The following NR2F2 variants were observed in gnomAD, a reference collection of about 807,000 sequenced individuals.
The protein encoded by NR2F2 is COUP transcription factor 2.
In NR2F2, 2 loss-of-function variants were observed where a neutral mutation model predicts 34.8. The observed-to-expected ratio is 0.06, with a 90% CI of 0.02 to 0.18. NR2F2 has a LOEUF of 0.18. NR2F2 is among the 10% of genes least tolerant of loss of function. NR2F2 has a pLI of 1.00. For synonymous variants in NR2F2, 274 were observed against 251.8 expected (o/e 1.09, Z -0.84); for missense variants, 300 against 580.1 (o/e 0.52, Z 4.96).
chr15:96,331,437 CA>C lies in NR2F2; in HGVS notation c.-668del. The C allele has an allele frequency of 8.1e-7, 1 of 1,231,416 alleles. No individual in the cohort carries two copies. Among genetic ancestry groups the C allele is most frequent in the South Asian group, 4.1e-5 (1 of 24,320 alleles). 76.3% of individuals were successfully genotyped at this position (1,231,416 alleles called of 1,614,324 possible). A position where few individuals can be genotyped will look rare whatever the true frequency, so the allele number is the denominator to read the frequency against. On this transcript the variant is annotated 5_prime_UTR_variant, in exon 1 of 3. The change creates a premature stop within an existing upstream ORF in the 5' untranslated region. Transcript: ENST00000394166. The stretch of plus-strand genomic sequence containing the variant: ...CTGCCTGGCTCCCTGGGCGCGCCCG[CA>C]CCCGGCGCCTCCGATCTCCTAGTCC...
rs575944518 is a variant in NR2F2 at position 96,335,976 on chromosome 15, C to T, written c.971-1372C>T. ...ATAGGGATTATTTTTCTCGAGTGCCCCTCATACCTAGAACGTTTGCCTGCT... is the reference window on the plus strand; with the variant it reads ...ATAGGGATTATTTTTCTCGAGTGCCTCTCATACCTAGAACGTTTGCCTGCT... On this transcript the variant is annotated intron_variant, in intron 2 of 2. Coordinates refer to ENST00000394166, the MANE Select transcript of NR2F2 (RefSeq NM_021005.4). 8.5e-5 allele frequency among the ~76,000 whole-genome samples: 13 copies of T among 152,224 alleles called. No homozygotes were observed. In the South Asian group the frequency reaches 2.1e-3, roughly 24 times the overall value.
Position 96,331,669 on chromosome 15 carries a change from A to T in NR2F2, c.-437A>T. On this transcript the variant is annotated 5_prime_UTR_variant, in exon 1 of 3. Transcript: ENST00000394166. ...ACGAGAGAGGGAGGGAGAGAGTGAG[A>T]GCGAGCGAGATCTTTGGAGAGATTT... is the stretch of plus-strand genomic sequence containing the variant. The T allele has an allele frequency of 6.3e-6, 7 of 1,113,582 alleles. No homozygotes were observed. The highest frequency in any genetic ancestry group is 7.9e-6 in the Non-Finnish European group (7 of 884,232). The allele number at this position is 1,113,582 out of a possible 1,614,324, so 69.0% of individuals were successfully genotyped here.
chr15:96,331,430 G>A lies in NR2F2; in HGVS notation c.-676G>A. 1 of 1,231,546 alleles carries A rather than the reference G, an allele frequency of 8.1e-7. No individual in the cohort carries two copies. The allele number at this position is 1,231,546 out of a possible 1,614,324, so 76.3% of individuals were successfully genotyped here. A position where few individuals can be genotyped will look rare whatever the true frequency, so the allele number is the denominator to read the frequency against. On this transcript the variant is annotated 5_prime_UTR_variant, in exon 1 of 3. Transcript: ENST00000394166. ...CCCCGGCCTGCCTGGCTCCCTGGGCGCGCCCGCACCCGGCGCCTCCGATCT... is the reference window on the plus strand; with the variant it reads ...CCCCGGCCTGCCTGGCTCCCTGGGCACGCCCGCACCCGGCGCCTCCGATCT...
Position 96,337,750 on chromosome 15 carries a change from G to C in NR2F2, c.*128G>C. ...ACAAGTTTGCTAAAAGAAGAGAGGGGAAGAATTTAATGGACTGTGAATTTC... is the reference window on the plus strand; with the variant it reads ...ACAAGTTTGCTAAAAGAAGAGAGGGCAAGAATTTAATGGACTGTGAATTTC... On this transcript the variant is annotated 3_prime_UTR_variant, in exon 3 of 3. Transcript: ENST00000394166. The C allele has an allele frequency of 1.5e-6, 1 of 654,502 alleles. No individual in the cohort carries two copies. The highest frequency in any genetic ancestry group is 2.2e-6 in the Non-Finnish European group (1 of 461,606). 40.5% of individuals were successfully genotyped at this position (654,502 alleles called of 1,614,324 possible).
Position 96,331,707 on chromosome 15 carries a change from C to T in NR2F2, c.-399C>T, listed in dbSNP as rs571888761. 3.9e-5 allele frequency: 40 copies of T among 1,034,132 alleles called. No individual in the cohort carries two copies. Among genetic ancestry groups the T allele is most frequent in the African/African-American group, 2.5e-4 (15 of 60,098 alleles). The allele number at this position is 1,034,132 out of a possible 1,614,324, so 64.1% of individuals were successfully genotyped here. A position where few individuals can be genotyped will look rare whatever the true frequency, so the allele number is the denominator to read the frequency against. ...TTTGGAGAGATTTTTTTTTTTGCCT[C>T]CTACTTCTGTCTTGAAGCCAGACAA... On this transcript the variant is annotated 5_prime_UTR_variant, in exon 1 of 3. Transcript: ENST00000394166.
At position 96,330,806 on chromosome 15, in the gene NR2F2, G is replaced by A; in HGVS notation, c.-1300G>A. ...GATTCTCTGTTCTTTTCTCTCCGCG[G>A]TGTGTGTGTGCGTGCGCGCGTGTGT... is the stretch of plus-strand genomic sequence containing the variant. On this transcript the variant is annotated 5_prime_UTR_variant, in exon 1 of 3. In the 5' UTR this introduces an upstream ATG that the reference lacks. Coordinates refer to ENST00000394166, the MANE Select transcript of NR2F2 (RefSeq NM_021005.4). The A allele has an allele frequency of 9.7e-7, 1 of 1,034,036 alleles. No individual in the cohort carries two copies. The highest frequency in any genetic ancestry group is 1.2e-6 in the Non-Finnish European group (1 of 833,822). The allele number at this position is 1,034,036 out of a possible 1,614,324, so 64.1% of individuals were successfully genotyped here.
Position 96,334,161 on chromosome 15 carries a change from G to C in NR2F2, c.528G>C (p.Ser176=). 1 of 1,614,084 alleles carries C rather than the reference G, an allele frequency of 6.2e-7. No individual in the cohort carries two copies. Among genetic ancestry groups the C allele is most frequent in the Non-Finnish European group, 8.5e-7 (1 of 1,180,044 alleles). Residue 176 remains serine (S), a synonymous_variant, in exon 2 of 3, where the codon TCG becomes TCC. Coordinates refer to ENST00000394166, the MANE Select transcript of NR2F2 (RefSeq NM_021005.4). Reference sequence around the variant, plus strand: ...ACGGGGATCCCCTCAACTGCCACTCGTACCTGTCCGGATATATTTCCCTGC... The same window carrying C: ...ACGGGGATCCCCTCAACTGCCACTCCTACCTGTCCGGATATATTTCCCTGC... ...LTNGDPLNCH[S]YLSGYISLLL...
In NR2F2 at chr15:96,337,752, A is replaced by C; in HGVS notation, c.*130A>C. 2.6e-6 allele frequency: 2 copies of C among 770,688 alleles called. No homozygotes were observed. The highest frequency in any genetic ancestry group is 1.9e-6 in the Non-Finnish European group (1 of 525,598). 47.7% of individuals were successfully genotyped at this position (770,688 alleles called of 1,614,324 possible). On this transcript the variant is annotated 3_prime_UTR_variant, in exon 3 of 3. Coordinates refer to ENST00000394166, the MANE Select transcript of NR2F2 (RefSeq NM_021005.4). ...AAGTTTGCTAAAAGAAGAGAGGGGA[A>C]GAATTTAATGGACTGTGAATTTCAA... is the stretch of plus-strand genomic sequence containing the variant.
Position 96,337,583 on chromosome 15 carries a change from C to G in NR2F2, c.1206C>G (p.Ser402=). 1.9e-6 allele frequency: 3 copies of G among 1,613,908 alleles called. No homozygotes were observed. The highest frequency in any genetic ancestry group is 2.5e-6 in the Non-Finnish European group (3 of 1,179,994). The change falls in exon 3 of 3, where the codon TCC becomes TCG. Residue 402 remains serine, a synonymous_variant. Transcript: ENST00000394166. ...CCCTCATCCGGGATATGTTACTGTC[C>G]GGCAGCAGTTTTAACTGGCCGTATA... is the stretch of plus-strand genomic sequence containing the variant. ...IETLIRDMLL[S]GSSFNWPYMA... is the part of the protein sequence containing the mutation.
intron 2 of NR2F2, among the ~76,000 whole-genome samples, chr15:96,334,928 C>T (rs577089923): frequency 1.0e-3 from 157 of 152,364 alleles, no homozygotes; most frequent in African/African-American, 3.6e-3. Flanking sequence ...CCAGGCCCCC[C>T]GGGCCTGCTG....
upstream of NR2F2, among the ~76,000 whole-genome samples, chr15:96,327,854 T>A (rs1253781285): frequency 6.6e-6 from 1 of 152,210 alleles, no homozygotes; most frequent in Non-Finnish European, 1.5e-5. Flanking sequence ...CTTTTTTAGA[T>A]TAGGGCAAAT....
intron 2 of NR2F2, among the ~76,000 whole-genome samples, chr15:96,336,673 G>C (rs916366061): frequency 2.0e-5 from 3 of 151,632 alleles, no homozygotes; most frequent in African/African-American, 4.9e-5. Context: ...AAAAATAAAG[G>C]GGGGTAGGAG....
At chr15:96,334,857 C>A (rs1034227645) in intron 2 of NR2F2, among the ~76,000 whole-genome samples, 2 of 152,280 alleles carry the variant, frequency 1.3e-5, no homozygotes, top group South Asian at 4.1e-4. Context: ...GCCTCTGCTG[C>A]CTGTTTCCCC....
upstream of NR2F2, among the ~76,000 whole-genome samples, chr15:96,328,486 C>A (rs1899048062): frequency 6.6e-6 from 1 of 152,232 alleles, no homozygotes; most frequent in Admixed American, 6.5e-5. Flanking sequence ...CCTATCTCAA[C>A]CCCAGTCTCA....
upstream of NR2F2, among the ~76,000 whole-genome samples, chr15:96,329,195 AG>A (rs1291251107): frequency 6.6e-6 from 1 of 152,182 alleles, no homozygotes; most frequent in Non-Finnish European, 1.5e-5. Flanking sequence ...CTTGGTGCAA[AG>A]TGTGTACAAA....
chr15:96,333,293 G>A (rs1251116814), intron 1 of NR2F2: 3 of 977,048 alleles, frequency 3.1e-6, no homozygotes, highest in Non-Finnish European at 3.7e-6. Flanking sequence ...GGGTTGGGGC[G>A]AGCCAACGCC....
intron 2 of NR2F2, among the ~76,000 whole-genome samples, chr15:96,337,140 C>G (rs1899349850): frequency 1.3e-5 from 2 of 152,044 alleles, no homozygotes; most frequent in South Asian, 4.2e-4. Flanking sequence ...CCATCTCTTG[C>G]TCTTTCTTCC....
In NR2F2 at chr15:96,334,491, C is replaced by T. The variant is rs1475960379; in HGVS notation, c.858C>T (p.Val286=). The change falls in exon 2 of 3, where the codon GTC becomes GTT. Residue 286 remains valine, a synonymous_variant. Coordinates refer to ENST00000394166, the MANE Select transcript of NR2F2 (RefSeq NM_021005.4). ...HASPMSADRV[V]AFMDHIRIFQ... Reference sequence around the variant, plus strand: ...CGCCCATGTCCGCCGACCGGGTGGTCGCCTTTATGGACCACATACGGATCT... The same window carrying T: ...CGCCCATGTCCGCCGACCGGGTGGTTGCCTTTATGGACCACATACGGATCT... 2 of 1,613,784 alleles carry T rather than the reference C, an allele frequency of 1.2e-6. No individual in the cohort carries two copies. Among genetic ancestry groups the T allele is most frequent in the African/African-American group, 2.7e-5 (2 of 74,938 alleles).
At chr15:96,334,045 A>G in intron 1 of NR2F2, 31 bp from the exon 2 acceptor site, 2 of 1,596,610 alleles carry the variant, frequency 1.3e-6, no homozygotes, top group Non-Finnish European at 1.7e-6. Flanking sequence ...GCTGGTCATT[A>G]ACTGTGGAGT....
Sources: gnomAD v4.1 joint callset for allele counts (sites outside exome capture counted in the v4.1 genomes callset) on GRCh38, gnomAD v4.1.1 for gene constraint, MANE v1.5 for transcripts, NCBI Gene and HGNC (gene_info 2026-07-23, HGNC 2026-07-21) for gene names.